The following MICAL3 variants were observed in gnomAD, a reference collection of about 807,000 sequenced individuals.
The protein encoded by MICAL3 is [F-actin]-monooxygenase MICAL3.
A neutral mutation model predicts 207.4 loss-of-function variants in MICAL3; 62 were observed. That is an observed-to-expected ratio of 0.30 (90% CI 0.24 to 0.37). The LOEUF (loss-of-function observed/expected upper bound fraction) is 0.37. MICAL3 is among the 10% of genes least tolerant of loss of function. The pLI, the probability that MICAL3 is intolerant of heterozygous loss-of-function variation, is 1.00. For synonymous variants in MICAL3, 1,077 were observed against 1,069.3 expected (o/e 1.01, Z -0.14); for missense variants, 2,368 against 2,635.6 (o/e 0.90, Z 2.22).
At chr22:17,876,755 TA>T (rs1240930107) in intron 16 of MICAL3, 1 of 146,756 alleles carries the variant, frequency 6.8e-6, no homozygotes, top group East Asian at 2.0e-4. Context: ...TTAGGGAGGT[TA>T]AGGAGGTTAG....
At chr22:18,019,584 A>T (rs1924303139) in intron 1 of MICAL3, among the ~76,000 whole-genome samples, 1 of 151,584 alleles carries the variant, frequency 6.6e-6, no homozygotes, top group South Asian at 2.1e-4. Context: ...AATCCCAGCT[A>T]CTCAGGAGGT....
intron 1 of MICAL3, among the ~76,000 whole-genome samples, chr22:17,953,459 A>G (rs185776579): frequency 6.6e-5 from 10 of 152,250 alleles, no homozygotes; most frequent in Admixed American, 2.6e-4. Context: ...ATCTGTACAG[A>G]AAGGTCATGT....
intron 1 of MICAL3, among the ~76,000 whole-genome samples, chr22:17,999,786 G>A (rs543668942): frequency 1.3e-5 from 2 of 152,316 alleles, no homozygotes; most frequent in South Asian, 4.1e-4. Flanking sequence ...TTTACAGGAG[G>A]AACACACAAA....
intron 19 of MICAL3, among the ~76,000 whole-genome samples, chr22:17,850,408 T>TTTTG (rs1307263332): frequency 7.9e-6 from 1 of 126,842 alleles, no homozygotes; most frequent in African/African-American, 3.3e-5. Context: ...TAGTTTTTTT[T>TTTTG]TTTTTTTTTT....
intron 19 of MICAL3, among the ~76,000 whole-genome samples, chr22:17,852,866 G>C (rs1462652519): frequency 1.3e-5 from 2 of 152,212 alleles, no homozygotes; most frequent in Non-Finnish European, 2.9e-5. Context: ...CCTGAGGTCA[G>C]GAGTTCAAGA....
rs578258908 is a variant in MICAL3 at position 17,908,054 on chromosome 22, C to T, written c.-74-1168G>A. Reference sequence around the variant, plus strand: ...ACCGGCTCCTGTGAGTCTGCAGAATCGTTTTTGCGTCACATCTGATGAAAC... The same window carrying T: ...ACCGGCTCCTGTGAGTCTGCAGAATTGTTTTTGCGTCACATCTGATGAAAC... On this transcript the variant is annotated intron_variant, in intron 1 of 31. Coordinates refer to ENST00000441493, the MANE Select transcript of MICAL3 (RefSeq NM_015241.3). Among the ~76,000 whole-genome samples the T allele has an allele frequency of 3.3e-5, 5 of 152,262 alleles. No individual in the cohort carries two copies. The South Asian group carries it at 8.3e-4, about 25-fold the overall frequency.
At chr22:17,873,145 C>T (rs1927898634) in intron 16 of MICAL3, among the ~76,000 whole-genome samples, 1 of 152,206 alleles carries the variant, frequency 6.6e-6, no homozygotes. Context: ...TGCACAGTTC[C>T]AGGGAATGGT....
At position 17,789,011 on chromosome 22, in the gene MICAL3, T is replaced by C. The variant is rs1300101214; in HGVS notation, c.*1721A>G. ...CTCGCTGGGCTATGTGCTGACTGCT[T>C]TGATGGACAAGCACCCCACCCCGAT... On this transcript the variant is annotated 3_prime_UTR_variant, in exon 32 of 32. Transcript: ENST00000441493. 1.3e-5 allele frequency: 2 copies of C among 152,400 alleles called. No homozygotes were observed. Among genetic ancestry groups the C allele is most frequent in the Non-Finnish European group, 2.9e-5 (2 of 68,180 alleles). The allele number at this position is 152,400 out of a possible 1,614,324, so 9.4% of individuals were successfully genotyped here. A position where few individuals can be genotyped will look rare whatever the true frequency, so the allele number is the denominator to read the frequency against.
intron 16 of MICAL3, among the ~76,000 whole-genome samples, chr22:17,878,346 G>A (rs1265535513): frequency 2.6e-5 from 4 of 152,170 alleles, no homozygotes; most frequent in Admixed American, 2.6e-4. Context: ...CCCCAGAAAG[G>A]GTGAGCACCG....
At chr22:17,797,892 G>A (rs1601919407) in intron 29 of MICAL3, among the ~76,000 whole-genome samples, 1 of 152,244 alleles carries the variant, frequency 6.6e-6, no homozygotes, top group South Asian at 2.1e-4. Flanking sequence ...TGGACAACTG[G>A]CCCCGGGGAC....
chr22:17,862,005 C>T (rs1200759869), intron 19 of MICAL3: 2 of 985,276 alleles, frequency 2.0e-6, no homozygotes, highest in Non-Finnish European at 2.4e-6. Flanking sequence ...GAGAGAAATG[C>T]CACAATATAA....
intron 18 of MICAL3, among the ~76,000 whole-genome samples, chr22:17,865,192 C>G (rs1602088038): frequency 6.6e-6 from 1 of 151,868 alleles, no homozygotes; most frequent in Non-Finnish European, 1.5e-5. Flanking sequence ...CTCACTGCAG[C>G]CCCGACCTCC....
At chr22:17,894,333 A>G (rs141670511) in intron 10 of MICAL3, among the ~76,000 whole-genome samples, 2,901 of 151,174 alleles carry the variant, frequency 0.019, 37 homozygotes, top group Non-Finnish European at 0.028. Context: ...TCAAAGCTTC[A>G]GTGAGCTGAG....
At chr22:17,869,523 T>C (rs1277233535) in intron 17 of MICAL3, among the ~76,000 whole-genome samples, 1 of 152,168 alleles carries the variant, frequency 6.6e-6, no homozygotes, top group East Asian at 1.9e-4. Flanking sequence ...CTGGCAGCGA[T>C]CACAAATGAG....
chr22:17,849,446 C>T (rs930416215), intron 19 of MICAL3, among the ~76,000 whole-genome samples: 3 of 152,124 alleles, frequency 2.0e-5, no homozygotes, highest in Admixed American at 6.5e-5. Flanking sequence ...GTGGTCCTCC[C>T]GTCTCAGCCT....
chr22:17,864,603 C>T (rs747416790), intron 19 of MICAL3: 5 of 1,520,374 alleles, frequency 3.3e-6, no homozygotes, highest in Admixed American at 2.0e-5. Context: ...TGGTGCGGGA[C>T]GGGGCTGAGG....
intron 1 of MICAL3, among the ~76,000 whole-genome samples, chr22:17,935,320 A>C (rs1205200207): frequency 1.3e-5 from 2 of 152,148 alleles, no homozygotes; most frequent in Non-Finnish European, 2.9e-5. Flanking sequence ...CAAAAACAAG[A>C]AATGGGGAAA....
rs575915868 is a variant in MICAL3, at chr22:17,875,500, T to A, written c.2242-3477A>T. The A allele has an allele frequency of 3.2e-6, 5 of 1,556,260 alleles. No homozygotes were observed. In the East Asian group the frequency reaches 1.2e-4, roughly 37 times the overall value. ...GCGGGGCGGGCAGAGGAGCGGAGACTAAGAGAAAGCTCCCACTGGTCGACA... is the reference window on the plus strand; with the variant it reads ...GCGGGGCGGGCAGAGGAGCGGAGACAAAGAGAAAGCTCCCACTGGTCGACA... On this transcript the variant is annotated intron_variant, in intron 16 of 31. Coordinates refer to ENST00000441493, the MANE Select transcript of MICAL3 (RefSeq NM_015241.3).
chr22:17,957,659 G>A (rs1398167666), intron 1 of MICAL3, among the ~76,000 whole-genome samples: 4 of 144,616 alleles, frequency 2.8e-5, no homozygotes, highest in Non-Finnish European at 6.0e-5. Flanking sequence ...GCAGTGAGCT[G>A]AGATCAAGCC....
Sources: allele counts gnomAD v4.1 joint callset (sites outside exome capture counted in the v4.1 genomes callset), GRCh38; gene constraint gnomAD v4.1.1; transcripts MANE v1.5; gene names NCBI Gene and HGNC (gene_info 2026-07-23, HGNC 2026-07-21).